NEBL: variants seen among roughly 807,000 people sequenced by gnomAD.
NEBL encodes LIM and SH3 protein 2.
Under a neutral mutation model 140.2 loss-of-function variants are expected in NEBL, and 122 were observed. That is an observed-to-expected ratio of 0.87 (90% CI 0.75 to 1.01). The LOEUF is 1.01. Ranked by LOEUF, NEBL falls within the 50% of genes least tolerant of loss-of-function variation. The probability of loss-of-function intolerance (pLI) is 0.00; values close to 1 mark genes in which losing one functional copy is unlikely to be tolerated. For missense variants in NEBL, 1,365 were observed against 1,231.3 expected, an observed-to-expected ratio of 1.11 and a Z score of -1.62; for synonymous variants, 436 against 398.9, an observed-to-expected ratio of 1.09 and a Z score of -1.11.
At chr10:21,248,321 A>C (rs1230866995) in intron 2 of NEBL, among the ~76,000 whole-genome samples, 1 of 151,920 alleles carries the variant, frequency 6.6e-6, no homozygotes, top group Non-Finnish European at 1.5e-5. Context: ...ATACTTTTGA[A>C]ACTTTTGAGA....
intron 8 of NEBL, among the ~76,000 whole-genome samples, chr10:20,858,971 T>C (rs1358352328): frequency 1.3e-5 from 2 of 152,142 alleles, no homozygotes; most frequent in Non-Finnish European, 2.9e-5. Flanking sequence ...AGGATTTAGA[T>C]CCAAGCAATC....
chr10:21,062,242 C>G (rs1163572600), intron 2 of NEBL, among the ~76,000 whole-genome samples: 1 of 152,140 alleles, frequency 6.6e-6, no homozygotes, highest in East Asian at 1.9e-4. Context: ...TCTTTCACAA[C>G]TCACACATCA....
chr10:20,911,253 C>G (rs1353013626), intron 4 of NEBL, among the ~76,000 whole-genome samples: 1 of 152,118 alleles, frequency 6.6e-6, no homozygotes, highest in Admixed American at 6.6e-5. Flanking sequence ...TACTCATAAA[C>G]TCTCTGGAAA....
chr10:21,026,157 A>T (rs1442611878), intron 2 of NEBL, among the ~76,000 whole-genome samples: 2 of 152,184 alleles, frequency 1.3e-5, no homozygotes, highest in Admixed American at 1.3e-4. Context: ...ATCTTCATGG[A>T]TTTATTTTCT....
chr10:20,942,143 C>A (rs951237499), intron 4 of NEBL, among the ~76,000 whole-genome samples: 2 of 152,094 alleles, frequency 1.3e-5, no homozygotes, highest in African/African-American at 2.4e-5. Flanking sequence ...CAATCCTAAG[C>A]CAAAAGAACA....
chr10:21,012,701 C>G (rs11012485), intron 3 of NEBL, among the ~76,000 whole-genome samples: 2 of 152,006 alleles, frequency 1.3e-5, no homozygotes, highest in Non-Finnish European at 2.9e-5. Context: ...ACATCCTCCT[C>G]GATAGATAGA....
At chr10:20,846,670 A>G (rs926919059) in intron 11 of NEBL, among the ~76,000 whole-genome samples, 21 of 152,202 alleles carry the variant, frequency 1.4e-4, no homozygotes, top group African/African-American at 3.9e-4. Context: ...AATCTAGGGC[A>G]TCTCTAGGCT....
chr10:20,862,429 T>C (rs1302298619), intron 7 of NEBL, among the ~76,000 whole-genome samples: 1 of 152,194 alleles, frequency 6.6e-6, no homozygotes, highest in Non-Finnish European at 1.5e-5. Context: ...CTAACCTCGC[T>C]CTTTCTGTAA....
chr10:20,938,955 T>C (rs964564926), intron 4 of NEBL, among the ~76,000 whole-genome samples: 5 of 152,150 alleles, frequency 3.3e-5, no homozygotes, highest in Non-Finnish European at 5.9e-5. Context: ...ACCAAATCTA[T>C]GTCTGCTTGG....
Position 20,785,772 on chromosome 10 carries a change from G to T in NEBL, c.3020C>A (p.Ala1007Glu). ...TTAATTAACAAACTCAATGTAATTCGCTGGGAGCATTCCTGTTCTCCCTGT... is the reference window on the plus strand; with the variant it reads ...TTAATTAACAAACTCAATGTAATTCTCTGGGAGCATTCCTGTTCTCCCTGT... ...QRTGRTGMLP[A>E]NYIEFVN Residue 1007 changes from alanine (A) to glutamate (E), a missense_variant, in exon 28 of 28, where the codon GCG (alanine) becomes GAG (glutamate). Transcript: ENST00000377122. 1 of 1,613,818 alleles carries T rather than the reference G, an allele frequency of 6.2e-7. No homozygotes were observed. Among genetic ancestry groups the T allele is most frequent in the Non-Finnish European group, 8.5e-7 (1 of 1,179,908 alleles).
chr10:21,006,166 G>A (rs77456781), intron 3 of NEBL, among the ~76,000 whole-genome samples: 2,770 of 152,232 alleles, frequency 0.018, 77 homozygotes, highest in African/African-American at 0.063. Flanking sequence ...TTATCAAAAT[G>A]TAACTCACTA....
At chr10:20,899,270 T>A, upstream of NEBL, 2 of 454,060 alleles carry the variant, frequency 4.4e-6, no homozygotes, top group Non-Finnish European at 7.6e-6. Context: ...TCTAGGAGTG[T>A]AGGGAGAAAA....
At chr10:20,796,230 G>T (rs1255024123) in intron 26 of NEBL, among the ~76,000 whole-genome samples, 1 of 151,836 alleles carries the variant, frequency 6.6e-6, no homozygotes, top group Admixed American at 6.6e-5. Context: ...GGGCGTAGTG[G>T]TGGGCGCCCG....
intron 4 of NEBL, among the ~76,000 whole-genome samples, chr10:20,944,123 G>A (rs1156927034): frequency 7.9e-5 from 12 of 152,350 alleles, no homozygotes; most frequent in Non-Finnish European, 2.9e-5. Flanking sequence ...TATAGGCCGG[G>A]CGCAGTGGCT....
intron 2 of NEBL, among the ~76,000 whole-genome samples, chr10:21,028,843 G>A (rs1833653018): frequency 6.6e-6 from 1 of 151,944 alleles, no homozygotes; most frequent in South Asian, 2.1e-4. Flanking sequence ...TTAACAGTTG[G>A]GAGAAACAAT....
intron 3 of NEBL, among the ~76,000 whole-genome samples, chr10:20,987,608 G>A (rs1057093044): frequency 1.3e-5 from 2 of 152,068 alleles, no homozygotes; most frequent in Non-Finnish European, 2.9e-5. Flanking sequence ...TAGCTGTGCT[G>A]CCTCCCAAAT....
chr10:20,823,063 G>C, intron 19 of NEBL, 145 bp downstream of exon 19: 2 of 615,024 alleles, frequency 3.3e-6, no homozygotes, highest in South Asian at 4.0e-5. Context: ...ATACAGATGT[G>C]TAAAATGCTA....
intron 6 of NEBL, among the ~76,000 whole-genome samples, chr10:20,869,434 G>A (rs1256484186): frequency 6.6e-6 from 1 of 152,072 alleles, no homozygotes; most frequent in African/African-American, 2.4e-5. Flanking sequence ...GATTATATGG[G>A]ACCATATGAC....
intron 26 of NEBL, among the ~76,000 whole-genome samples, chr10:20,795,214 T>A (rs756323381): frequency 4.6e-5 from 7 of 152,184 alleles, no homozygotes; most frequent in Non-Finnish European, 8.8e-5. Flanking sequence ...CAACCCTTCC[T>A]GCTTGGGGCA....
Sources: gnomAD v4.1 joint callset for allele counts (sites outside exome capture counted in the v4.1 genomes callset) on GRCh38, gnomAD v4.1.1 for gene constraint, MANE v1.5 for transcripts, NCBI Gene and HGNC (gene_info 2026-07-23, HGNC 2026-07-21) for gene names.